The following PEX14 variants were observed in gnomAD, a reference collection of about 807,000 sequenced individuals.
The protein encoded by PEX14 is peroxisomal membrane protein PEX14.
A neutral mutation model predicts 49.5 loss-of-function variants in PEX14; 15 were observed. That is an observed-to-expected ratio of 0.30 (90% CI 0.20 to 0.47). The LOEUF is 0.47. Ranked by LOEUF, PEX14 falls within the 20% of genes least tolerant of loss-of-function variation. The pLI is 1.00. For missense variants in PEX14, 398 were observed against 494.8 expected, an observed-to-expected ratio of 0.80 and a Z score of 1.86; for synonymous variants, 210 against 212.7, an observed-to-expected ratio of 0.99 and a Z score of 0.11.
Position 10,627,312 on chromosome 1 carries a change from T to C in PEX14, c.626T>C (p.Ile209Thr), listed in dbSNP as rs758355392. ...STNWILESQN[I>T]NELKSEINSL... ...AACTGGATCCTGGAGTCCCAGAATA[T>C]CAACGAACTCAAGTCCGAAATTAAC... is the stretch of plus-strand genomic sequence containing the variant. Residue 209 changes from isoleucine (I) to threonine (T), a missense_variant, in exon 8 of 9, where the codon ATC (isoleucine) becomes ACC (threonine). Physicochemically the swap from Ile to Thr is moderately conservative, Grantham distance 89. Coordinates refer to ENST00000356607, the MANE Select transcript of PEX14 (RefSeq NM_004565.3). 8 of 1,613,852 alleles carry C rather than the reference T, an allele frequency of 5.0e-6. No individual in the cohort carries two copies. The highest frequency in any genetic ancestry group is 2.2e-5 in the East Asian group (1 of 44,880).
Position 10,529,453 on chromosome 1 carries a change from T to C in PEX14, c.85-6760T>C, listed in dbSNP as rs1018363196. On this transcript the variant is annotated intron_variant, in intron 2 of 8. Transcript: ENST00000356607. The surrounding 1 kb of genome is among the most constrained non-coding windows in gnomAD (Gnocchi z 4.2). ...CTGTCCCTTGACATTAAATAGTGCG[T>C]GGTGGTTTAAGATGCTTTTTATTTC... Among the ~76,000 whole-genome samples the C allele has an allele frequency of 3.9e-5, 6 of 152,232 alleles. No homozygotes were observed. The highest frequency in any genetic ancestry group is 7.3e-5 in the Non-Finnish European group (5 of 68,044).
intron 4 of PEX14, among the ~76,000 whole-genome samples, chr1:10,602,057 G>A (rs1228179482): frequency 6.6e-6 from 1 of 152,186 alleles, no homozygotes; most frequent in Non-Finnish European, 1.5e-5. Flanking sequence ...TAGACACAAA[G>A]GGTTAAACTG....
At chr1:10,618,005 G>C (rs1414605628) in intron 4 of PEX14, among the ~76,000 whole-genome samples, 1 of 152,174 alleles carries the variant, frequency 6.6e-6, no homozygotes, top group East Asian at 1.9e-4. Context: ...TTGTTCCTGA[G>C]GTAGAGACCA....
At chr1:10,483,420 G>A (rs12062117) in intron 1 of PEX14, among the ~76,000 whole-genome samples, 6,219 of 152,128 alleles carry the variant, frequency 0.041, 449 homozygotes, top group African/African-American at 0.14. Context: ...AGGTTCAAGC[G>A]ATTCTCCCCC....
intron 3 of PEX14, among the ~76,000 whole-genome samples, chr1:10,592,070 C>T (rs1640684535): frequency 6.6e-6 from 1 of 152,168 alleles, no homozygotes; most frequent in South Asian, 2.1e-4. Context: ...TTTTAAACCA[C>T]CCTTCATGAC....
chr1:10,500,601 G>A (rs1641659778), intron 2 of PEX14, among the ~76,000 whole-genome samples: 1 of 151,858 alleles, frequency 6.6e-6, no homozygotes, highest in Non-Finnish European at 1.5e-5. Context: ...TTGAAGCGGT[G>A]TCTCGCTGTG....
chr1:10,577,482 A>G (rs1204486185), intron 3 of PEX14, among the ~76,000 whole-genome samples: 3 of 135,040 alleles, frequency 2.2e-5, no homozygotes, highest in Non-Finnish European at 4.6e-5. Flanking sequence ...TTGTATTAGA[A>G]TAATACTCCC....
chr1:10,617,562 A>G (rs1434719237), intron 4 of PEX14, among the ~76,000 whole-genome samples: 2 of 151,796 alleles, frequency 1.3e-5, no homozygotes, highest in Non-Finnish European at 1.5e-5. Context: ...CCTCTGGGCC[A>G]GAGCAGCTCT....
At chr1:10,604,522 G>T (rs114482357) in intron 4 of PEX14, among the ~76,000 whole-genome samples, 1,878 of 152,184 alleles carry the variant, frequency 0.012, 18 homozygotes, top group Middle Eastern at 0.075. Context: ...GAGGTGGGAG[G>T]ATTGCTTGAG....
chr1:10,598,043 C>G (rs937577530), intron 3 of PEX14, among the ~76,000 whole-genome samples: 2 of 152,188 alleles, frequency 1.3e-5, no homozygotes, highest in African/African-American at 2.4e-5. Context: ...CTTCATCTAC[C>G]CCCAGGGGCA....
chr1:10,540,522 A>G (rs1638970072), intron 3 of PEX14, among the ~76,000 whole-genome samples: 1 of 151,032 alleles, frequency 6.6e-6, no homozygotes, highest in Non-Finnish European at 1.5e-5. Context: ...TCTGATGGCC[A>G]GGTTATCGAC....
At chr1:10,612,643 T>A (rs981679390) in intron 4 of PEX14, among the ~76,000 whole-genome samples, 5 of 152,184 alleles carry the variant, frequency 3.3e-5, no homozygotes, top group Non-Finnish European at 2.9e-5. Flanking sequence ...TCCACAGCCA[T>A]GTGCTTCAGG....
chr1:10,494,608 G>C lies in PEX14; in HGVS notation c.37-666G>C, dbSNP rs1422018400. Among the ~76,000 whole-genome samples the C allele has an allele frequency of 6.6e-6, 1 of 152,194 alleles. No homozygotes were observed. Among genetic ancestry groups the C allele is most frequent in the Non-Finnish European group, 1.5e-5 (1 of 68,038 alleles). ...GGAAACGGGCTAGAGCCAGGGCCTC[G>C]GCCACAGTGCTGCCTGCTCGCCTGG... On this transcript the variant is annotated intron_variant, in intron 1 of 8. Coordinates refer to ENST00000356607, the MANE Select transcript of PEX14 (RefSeq NM_004565.3). The surrounding 1 kb of genome is among the most constrained non-coding windows in gnomAD (Gnocchi z 4.3).
intron 4 of PEX14, chr1:10,616,789 T>C (rs577835467): frequency 6.6e-6 from 1 of 152,202 alleles, no homozygotes; most frequent in Non-Finnish European, 1.5e-5. Flanking sequence ...TCAAGTAGAA[T>C]TGCATTCAGG....
chr1:10,541,095 A>G (rs1275838808), intron 3 of PEX14, among the ~76,000 whole-genome samples: 1 of 152,218 alleles, frequency 6.6e-6, no homozygotes, highest in Non-Finnish European at 1.5e-5. Context: ...CGACTCAGTC[A>G]TAAGTGTGAA....
chr1:10,594,927 A>AT (rs922430202), intron 3 of PEX14, among the ~76,000 whole-genome samples: 8 of 152,290 alleles, frequency 5.3e-5, no homozygotes, highest in Admixed American at 3.3e-4. Flanking sequence ...CTTCTAGGGG[A>AT]TAAAAATAGG....
At chr1:10,554,133 C>A (rs1437961182) in intron 3 of PEX14, among the ~76,000 whole-genome samples, 121 of 110,980 alleles carry the variant, frequency 1.1e-3, no homozygotes, top group South Asian at 1.3e-3. Flanking sequence ...ACTAAAAATA[C>A]AAAAAAAAAA....
intron 4 of PEX14, among the ~76,000 whole-genome samples, chr1:10,605,273 T>C (rs1428795342): frequency 1.3e-5 from 2 of 152,108 alleles, no homozygotes; most frequent in African/African-American, 4.8e-5. Context: ...GCCCAGCTGG[T>C]GCAGACTGCT....
At chr1:10,543,570 G>A (rs1374204912) in intron 3 of PEX14, among the ~76,000 whole-genome samples, 1 of 152,178 alleles carries the variant, frequency 6.6e-6, no homozygotes, top group Non-Finnish European at 1.5e-5. Flanking sequence ...GAAAAAGAAG[G>A]GAAGAGAATT....
Sources: gnomAD v4.1 joint callset for allele counts (sites outside exome capture counted in the v4.1 genomes callset) on GRCh38, gnomAD v4.1.1 for gene constraint, Gnocchi (gnomAD v3.1) non-coding constraint, MANE v1.5 for transcripts, NCBI Gene and HGNC (gene_info 2026-07-23, HGNC 2026-07-21) for gene names.